Variants in SERGEF observed in about 807,000 individuals in gnomAD.
SERGEF encodes the protein secretion-regulating guanine nucleotide exchange factor.
A neutral mutation model predicts 50.0 loss-of-function variants in SERGEF; 51 were observed. That is an observed-to-expected ratio of 1.02 (90% CI 0.81 to 1.29). The LOEUF is 1.29. Among genes scored for constraint, SERGEF ranks in the 50% most tolerant of loss-of-function variants. The probability of loss-of-function intolerance (pLI) is 0.00; values close to 1 mark genes in which losing one functional copy is unlikely to be tolerated. For synonymous variants in SERGEF, 205 were observed against 212.4 expected, an observed-to-expected ratio of 0.97 and a Z score of 0.30; for missense variants, 521 against 557.0, an observed-to-expected ratio of 0.94 and a Z score of 0.65.
chr11:17,934,527 A>G (rs12294071), intron 9 of SERGEF, among the ~76,000 whole-genome samples: 3,562 of 152,294 alleles, frequency 0.023, 158 homozygotes, highest in African/African-American at 0.082. Context: ...CTGCTTAGAC[A>G]TTACTTCCAC....
intron 8 of SERGEF, among the ~76,000 whole-genome samples, chr11:17,977,712 G>C (rs1853406611): frequency 6.6e-6 from 1 of 152,162 alleles, no homozygotes; most frequent in African/African-American, 2.4e-5. Context: ...AGGTCATGAA[G>C]GTAGGGCCCT....
chr11:17,959,382 C>A, intron 9 of SERGEF, 88 bp downstream of exon 9: 1 of 1,226,486 alleles, frequency 8.2e-7, no homozygotes, highest in Non-Finnish European at 1.2e-6. Flanking sequence ...CTATCCATAA[C>A]GCCTGGCACA....
At chr11:17,959,738 A>AGGAG in intron 8 of SERGEF, 102 bp from the exon 9 acceptor site, 1 of 1,007,968 alleles carries the variant, frequency 9.9e-7, no homozygotes, top group Non-Finnish European at 1.4e-6. Flanking sequence ...TTTTAGTACC[A>AGGAG]CCTACCAGGA....
intron 10 of SERGEF, among the ~76,000 whole-genome samples, chr11:17,877,384 A>G (rs774031092): frequency 2.6e-5 from 4 of 152,250 alleles, no homozygotes; most frequent in Non-Finnish European, 5.9e-5. Flanking sequence ...TCAGGTAATA[A>G]TAACGAACAT....
At chr11:17,980,883 G>C (rs940957330) in intron 8 of SERGEF, among the ~76,000 whole-genome samples, 2 of 152,182 alleles carry the variant, frequency 1.3e-5, no homozygotes, top group African/African-American at 4.8e-5. Context: ...TTATAGGATA[G>C]AATTTCAGAG....
intron 1 of SERGEF, 167 bp downstream of exon 1, chr11:18,012,784 C>CTCCTCCT (rs1854224999): frequency 2.7e-6 from 3 of 1,124,136 alleles, no homozygotes; most frequent in East Asian, 3.1e-5. Flanking sequence ...TCCCCGCCCG[C>CTCCTCCT]CCGCTCCTCC....
At chr11:17,818,110 A>C (rs1850012201) in intron 10 of SERGEF, among the ~76,000 whole-genome samples, 1 of 152,166 alleles carries the variant, frequency 6.6e-6, no homozygotes, top group African/African-American at 2.4e-5. Flanking sequence ...CATGGACACT[A>C]TACAGTTACG....
At chr11:17,985,622 A>G (rs1219403094) in intron 8 of SERGEF, among the ~76,000 whole-genome samples, 6 of 152,136 alleles carry the variant, frequency 3.9e-5, no homozygotes, top group African/African-American at 9.6e-5. Flanking sequence ...ACCCTTGCCA[A>G]CTCTCCCAGA....
intron 10 of SERGEF, among the ~76,000 whole-genome samples, chr11:17,830,852 C>T (rs1001772266): frequency 6.6e-6 from 1 of 152,086 alleles, no homozygotes; most frequent in Non-Finnish European, 1.5e-5. Flanking sequence ...ACATTCAAAC[C>T]GTATCACTTA....
chr11:17,955,051 C>T (rs1852838604), intron 9 of SERGEF, among the ~76,000 whole-genome samples: 1 of 152,198 alleles, frequency 6.6e-6, no homozygotes, highest in Non-Finnish European at 1.5e-5. Flanking sequence ...TAGGTTCAGC[C>T]ACTAGAATGG....
intron 8 of SERGEF, among the ~76,000 whole-genome samples, chr11:17,982,606 T>A (rs963492658): frequency 3.9e-5 from 6 of 152,180 alleles, no homozygotes; most frequent in African/African-American, 1.4e-4. Flanking sequence ...GATGGAGTAA[T>A]GTATACTGTC....
chr11:17,959,947 A>C (rs1330279362), intron 8 of SERGEF, among the ~76,000 whole-genome samples: 1 of 152,214 alleles, frequency 6.6e-6, no homozygotes, highest in South Asian at 2.1e-4. Flanking sequence ...ATATACTTCA[A>C]CCATGCTTTA....
intron 10 of SERGEF, among the ~76,000 whole-genome samples, chr11:17,816,303 G>A (rs542725461): frequency 7.2e-5 from 11 of 152,138 alleles, no homozygotes; most frequent in Admixed American, 2.0e-4. Context: ...GAGACAGGGC[G>A]GTATTTGCAA....
chr11:18,005,862 G>A (rs1005111432), intron 3 of SERGEF, among the ~76,000 whole-genome samples: 1 of 152,052 alleles, frequency 6.6e-6, no homozygotes, highest in Non-Finnish European at 1.5e-5. Flanking sequence ...ATCCCACAGT[G>A]TGAAAAAGCT....
At position 17,902,804 on chromosome 11, in the gene SERGEF, G is replaced by A. The variant is rs1851771187; in HGVS notation, c.1012-24560C>T. Among the ~76,000 whole-genome samples the A allele has an allele frequency of 2.0e-5, 3 of 152,186 alleles. No homozygotes were observed. The South Asian group carries it at 6.2e-4, about 31-fold the overall frequency. ...CATGCAGGACTAGAGTTGCCAACAT[G>A]CTGAGCTCATGAGCTTTCTAGAAGA... On this transcript the variant is annotated intron_variant, in intron 9 of 10. Transcript: ENST00000265965.
intron 9 of SERGEF, among the ~76,000 whole-genome samples, chr11:17,896,642 G>A (rs1851635638): frequency 1.8e-5 from 1 of 54,300 alleles, no homozygotes; most frequent in Non-Finnish European, 3.9e-5. Flanking sequence ...GAAGGGAAGG[G>A]GAAGGGAAGG....
intron 10 of SERGEF, among the ~76,000 whole-genome samples, chr11:17,862,355 C>A (rs1437864932): frequency 6.6e-6 from 1 of 152,214 alleles, no homozygotes; most frequent in Non-Finnish European, 1.5e-5. Flanking sequence ...TTACTCAATT[C>A]TCCTATTTTA....
chr11:17,921,236 T>A (rs1241471868), intron 9 of SERGEF, among the ~76,000 whole-genome samples: 1 of 152,204 alleles, frequency 6.6e-6, no homozygotes, highest in Non-Finnish European at 1.5e-5. Context: ...AAGAAAGTAA[T>A]TTTTTTAAGT....
chr11:17,891,953 G>C (rs892453066), intron 9 of SERGEF, among the ~76,000 whole-genome samples: 13 of 152,042 alleles, frequency 8.6e-5, no homozygotes, highest in Non-Finnish European at 1.8e-4. Flanking sequence ...TTTTTTCCAA[G>C]TGGGCAAAAA....
Sources: allele counts gnomAD v4.1 joint callset (sites outside exome capture counted in the v4.1 genomes callset), GRCh38; gene constraint gnomAD v4.1.1; transcripts MANE v1.5; gene names NCBI Gene and HGNC (gene_info 2026-07-23, HGNC 2026-07-21).